Variants in MCM7 observed in about 807,000 individuals in gnomAD.
MCM7 encodes DNA replication licensing factor MCM7.
Under a neutral mutation model 83.5 loss-of-function variants are expected in MCM7, and 95 were observed. That is an observed-to-expected ratio of 1.14 (90% CI 0.96 to 1.35). MCM7 has a LOEUF of 1.35. MCM7 is among the 40% of genes most tolerant of loss of function. MCM7 has a pLI of 0.00. For missense variants in MCM7, 1,087 were observed against 957.4 expected, an observed-to-expected ratio of 1.14 and a Z score of -1.79; for synonymous variants, 461 against 352.7, an observed-to-expected ratio of 1.31 and a Z score of -3.44.
At chr7:100,095,492 AG>A (rs757885179) in intron 11 of MCM7, 22 bp from the exon 12 acceptor site, 2 of 1,611,052 alleles carry the variant, frequency 1.2e-6, no homozygotes, top group African/African-American at 1.3e-5. Context: ...GAAGGTTAGA[AG>A]GAACACCCTT....
At chr7:100,100,393 G>A (rs1795912131) in intron 1 of MCM7, 4 of 1,069,046 alleles carry the variant, frequency 3.7e-6, no homozygotes, top group Non-Finnish European at 1.1e-6. Flanking sequence ...CGGTCTCAAG[G>A]TTCTCAGCTT....
chr7:100,095,591 G>T, intron 11 of MCM7, 121 bp from the exon 12 acceptor site: 2 of 1,305,154 alleles, frequency 1.5e-6, no homozygotes, highest in Non-Finnish European at 2.1e-6. Flanking sequence ...GCTTTCCCGG[G>T]AAATCCTCAT....
chr7:100,101,322 TG>T lies in MCM7; in HGVS notation c.-29del. ...CTGCCGAGGGCCGTGCGGCCGCGCTTGGCGGGCTCAGAGGTCTTGCTCCTGG... is the reference window on the plus strand; with the variant it reads ...CTGCCGAGGGCCGTGCGGCCGCGCTTGCGGGCTCAGAGGTCTTGCTCCTGG... On this transcript the variant is annotated 5_prime_UTR_variant, in exon 1 of 15. Transcript: ENST00000303887. 1 of 1,612,988 alleles carries T rather than the reference TG, an allele frequency of 6.2e-7. No individual in the cohort carries two copies. The highest frequency in any genetic ancestry group is 1.1e-5 in the South Asian group (1 of 91,082).
chr7:100,093,958 G>GAA (rs1562892210), intron 13 of MCM7: 3 of 736,724 alleles, frequency 4.1e-6, no homozygotes, highest in Non-Finnish European at 7.5e-6. Context: ...AAGAAGTGGG[G>GAA]AAAAGGCCTT....
intron 10 of MCM7, among the ~76,000 whole-genome samples, chr7:100,097,097 T>C (rs552077488): frequency 6.6e-6 from 1 of 152,066 alleles, no homozygotes; most frequent in East Asian, 1.9e-4. Context: ...CAAGCCTCTA[T>C]CTCAAAAAAA....
chr7:100,093,466 AC>A, intron 13 of MCM7, 65 bp from the exon 14 acceptor site: 1 of 1,453,184 alleles, frequency 6.9e-7, no homozygotes, highest in Non-Finnish European at 9.7e-7. Context: ...GTCAGGGGAC[AC>A]CCTTGTTCTG....
intron 6 of MCM7, 118 bp from the exon 7 acceptor site, chr7:100,098,408 G>T: frequency 6.7e-7 from 1 of 1,483,598 alleles, no homozygotes; most frequent in South Asian, 1.3e-5. Context: ...CCCACAGCAG[G>T]GGTGCTGAGA....
chr7:100,094,728 G>A (rs948919085), intron 12 of MCM7, among the ~76,000 whole-genome samples: 2 of 152,134 alleles, frequency 1.3e-5, no homozygotes, highest in African/African-American at 4.8e-5. Context: ...GAACACTGGA[G>A]GCTCATGGGA....
At position 100,101,373 on chromosome 7, in the gene MCM7, G is replaced by A. The variant is rs1484450130; in HGVS notation, c.-79C>T. 2 of 1,590,954 alleles carry A rather than the reference G, an allele frequency of 1.3e-6. No homozygotes were observed. Among genetic ancestry groups the A allele is most frequent in the Admixed American group, 1.7e-5 (1 of 59,470 alleles). The stretch of plus-strand genomic sequence containing the variant: ...GGGAAGCTGAGAATCTCCGCGCGGT[G>A]GACTGTGGCCGGCCAACCGAAATTG... On this transcript the variant is annotated 5_prime_UTR_variant, in exon 1 of 15. Transcript: ENST00000303887.
At chr7:100,094,370 A>G (rs994005000) in intron 12 of MCM7, 29 bp from the exon 13 acceptor site, 1 of 1,612,836 alleles carries the variant, frequency 6.2e-7, no homozygotes, top group African/African-American at 1.3e-5. Context: ...GGGGAAGCAG[A>G]AGAGGGAGAT....
At chr7:100,093,738 CAAG>C (rs1795457770) in intron 13 of MCM7, 4 of 634,224 alleles carry the variant, frequency 6.3e-6, no homozygotes, top group Non-Finnish European at 1.2e-5. Context: ...GGAGCTCAGC[CAAG>C]AAGACAATTG....
chr7:100,096,198 GAGAA>G, intron 10 of MCM7, 31 bp from the exon 11 acceptor site: 1 of 1,530,182 alleles, frequency 6.5e-7, no homozygotes, highest in Non-Finnish European at 8.8e-7. Context: ...AACCATGAGA[GAGAA>G]AGAACAAGAA....
chr7:100,093,517 A>G (rs752437305), intron 13 of MCM7, 116 bp from the exon 14 acceptor site: 35 of 926,966 alleles, frequency 3.8e-5, no homozygotes, highest in Non-Finnish European at 2.9e-5. Flanking sequence ...CTACTCACAA[A>G]ACAGGAGTGG....
Position 100,099,616 on chromosome 7 carries a change from C to T in MCM7, c.249G>A (p.Glu83=). 2.5e-6 allele frequency: 4 copies of T among 1,614,110 alleles called. No homozygotes were observed. The East Asian group carries it at 8.9e-5, about 36-fold the overall frequency. ...CCCTCTCCTTGTACTGAGGCAGCAG[C>T]TCTTGTACGGCATCAGCAAAGAGCT... is the stretch of plus-strand genomic sequence containing the variant. ...YAKLFADAVQ[E]LLPQYKEREV... Residue 83 remains glutamate, a synonymous_variant, in exon 3 of 15, where the codon GAG becomes GAA. Coordinates refer to ENST00000303887, the MANE Select transcript of MCM7 (RefSeq NM_005916.5).
In MCM7 at chr7:100,100,069, T is replaced by G. The variant is rs1324342823; in HGVS notation, c.56A>C (p.Glu19Ala). The G allele has an allele frequency of 6.2e-7, 1 of 1,614,068 alleles. No individual in the cohort carries two copies. The highest frequency in any genetic ancestry group is 8.5e-7 in the Non-Finnish European group (1 of 1,180,012). Reference sequence around the variant, plus strand: ...CCCGAGTTCATCATCCTGGTAGAACTCTTGTAAGAACTTCTTAACCTTTTC... The same window carrying G: ...CCCGAGTTCATCATCCTGGTAGAACGCTTGTAAGAACTTCTTAACCTTTTC... ...EKEKVKKFLQ[E>A]FYQDDELGKK... is the part of the protein sequence containing the mutation. The change falls in exon 2 of 15, where the codon GAG becomes GCG. Residue 19 changes from glutamate (E) to alanine (A), a missense_variant. Physicochemically the swap from Glu to Ala is moderately radical, Grantham distance 107. Coordinates refer to ENST00000303887, the MANE Select transcript of MCM7 (RefSeq NM_005916.5).
chr7:100,093,421 G>A lies in MCM7; in HGVS notation c.1849-20C>T. ...ACGTGCCTAAGGGGAAGGTAGGGGG[G>A]AAAGATGGGAACGGGAGGAGGGCAG... On this transcript the variant is annotated intron_variant, in intron 13 of 14. Transcript: ENST00000303887. 1 of 1,606,930 alleles carries A rather than the reference G, an allele frequency of 6.2e-7. No homozygotes were observed. The highest frequency in any genetic ancestry group is 8.5e-7 in the Non-Finnish European group (1 of 1,173,716).
At position 100,094,218 on chromosome 7, in the gene MCM7, A is replaced by G. The variant is rs935522480; in HGVS notation, c.1803T>C (p.Thr601=). 2.5e-6 allele frequency: 4 copies of G among 1,614,066 alleles called. No individual in the cohort carries two copies. The African/African-American group carries it at 5.3e-5, about 22-fold the overall frequency. Residue 601 remains threonine (T), a synonymous_variant, in exon 13 of 15, where the codon ACT becomes ACC. Transcript: ENST00000303887. ...GGATAGCCAGCAGGGTCCGGGCAGA[A>G]GTATAGGTGGCATCCTTACTAGCCC... ...EAWASKDATY[T]SARTLLAILR...
chr7:100,095,565 A>C (rs1371020799), intron 11 of MCM7, 95 bp from the exon 12 acceptor site: 1 of 1,338,598 alleles, frequency 7.5e-7, no homozygotes, highest in East Asian at 2.4e-5. Context: ...ACTTCCTCAC[A>C]GTGTAGGAGG....
chr7:100,099,231 G>A (rs1309173008), intron 4 of MCM7, 28 bp from the exon 5 acceptor site: 5 of 1,613,860 alleles, frequency 3.1e-6, no homozygotes, highest in African/African-American at 1.3e-5. Flanking sequence ...TCACAAACAA[G>A]ATCCTGGAGA....
Sources: allele counts gnomAD v4.1 joint callset (sites outside exome capture counted in the v4.1 genomes callset), GRCh38; gene constraint gnomAD v4.1.1; transcripts MANE v1.5; gene names NCBI Gene and HGNC (gene_info 2026-07-23, HGNC 2026-07-21).